ACSM6: variants seen among roughly 807,000 people sequenced by gnomAD.
ACSM6 encodes acyl-CoA synthetase medium chain family member 6.
A neutral mutation model predicts 51.1 loss-of-function variants in ACSM6; 35 were observed. The observed-to-expected ratio is 0.69, with a 90% CI of 0.52 to 0.91. ACSM6 has a LOEUF of 0.91. ACSM6 is among the 40% of genes least tolerant of loss of function. The probability of loss-of-function intolerance (pLI) is 0.00; values close to 1 mark genes in which losing one functional copy is unlikely to be tolerated. For synonymous variants in ACSM6, 172 were observed against 207.3 expected (o/e 0.83, Z 1.46); for missense variants, 509 against 584.1 (o/e 0.87, Z 1.32).
chr10:95,225,325 G>A, exon 10 of ACSM6: 1 of 1,551,636 alleles, frequency 6.4e-7, no homozygotes, highest in South Asian at 1.2e-5. Context: ...TGCCTCCAGG[G>A]GAAGAAGGAA....
chr10:95,225,323 G>T, exon 10 of ACSM6: 1 of 1,551,534 alleles, frequency 6.4e-7, no homozygotes. Flanking sequence ...CCTGCCTCCA[G>T]GGGAAGAAGG....
chr10:95,210,380 G>T (rs527983560), intron 4 of ACSM6, among the ~76,000 whole-genome samples: 192 of 152,230 alleles, frequency 1.3e-3, no homozygotes, highest in Non-Finnish European at 2.0e-3. Context: ...ACAGATTTTT[G>T]ACTTGAGCAA....
chr10:95,221,975 A>G (rs552967705), intron 9 of ACSM6, among the ~76,000 whole-genome samples: 1 of 152,302 alleles, frequency 6.6e-6, no homozygotes, highest in South Asian at 2.1e-4. Flanking sequence ...ATCATACTCA[A>G]TGGTCAAAAA....
At chr10:95,213,095 G>T (rs2034911101) in intron 7 of ACSM6, among the ~76,000 whole-genome samples, 155 bp downstream of exon 7, 1 of 152,120 alleles carries the variant, frequency 6.6e-6, no homozygotes, top group Non-Finnish European at 1.5e-5. Context: ...TAGTGTGTGT[G>T]ATTTTTTATT....
intron 3 of ACSM6, among the ~76,000 whole-genome samples, chr10:95,203,965 G>A (rs113148114): frequency 4.6e-5 from 7 of 151,438 alleles, no homozygotes; most frequent in Non-Finnish European, 2.9e-5. Context: ...GGAAGGGAGT[G>A]AACCCTACCC....
chr10:95,197,065 AC>A (rs1316398847), intron 2 of ACSM6, among the ~76,000 whole-genome samples: 3 of 152,338 alleles, frequency 2.0e-5, no homozygotes, highest in Non-Finnish European at 2.9e-5. Flanking sequence ...ATTGCCTTCT[AC>A]AAAAAAGTGC....
At position 95,228,662 on chromosome 10, in the gene ACSM6, G is replaced by A. The variant is rs1339180520; in HGVS notation, c.1321G>A (p.Ala441Thr). 1.2e-5 allele frequency: 18 copies of A among 1,551,496 alleles called. No homozygotes were observed. Among genetic ancestry groups the A allele is most frequent in the Non-Finnish European group, 1.5e-5 (17 of 1,146,812 alleles). The change falls in exon 11 of 11, where the codon GCT (alanine) becomes ACT (threonine). Residue 441 changes from alanine (A) to threonine (T), a missense_variant. By Grantham distance (58) the Ala-to-Thr change is moderately conservative. Transcript: ENST00000341686. ...CTATCAGGTGAGCTGGGAGGAATAT[G>A]CTTCAGCAAGAGGCCACATGCTTTA... is the stretch of plus-strand genomic sequence containing the variant.
chr10:95,214,477 G>A lies in ACSM6; in HGVS notation c.996-375G>A, dbSNP rs373124768. Among the ~76,000 whole-genome samples the A allele has an allele frequency of 2.6e-5, 4 of 152,200 alleles. No individual in the cohort carries two copies. The East Asian group carries it at 7.7e-4, about 29-fold the overall frequency. On this transcript the variant is annotated intron_variant, in intron 7 of 10. Coordinates refer to ENST00000341686, the Ensembl canonical transcript of ACSM6. Reference sequence around the variant, plus strand: ...GCTCTCTTTCCACCTCCAGACTTCAGAAAATTAGTTCCTTTTTTACCTTAC... The same window carrying A: ...GCTCTCTTTCCACCTCCAGACTTCAAAAAATTAGTTCCTTTTTTACCTTAC...
intron 2 of ACSM6, among the ~76,000 whole-genome samples, chr10:95,198,514 G>T (rs1455417627): frequency 6.6e-6 from 1 of 152,100 alleles, no homozygotes; most frequent in African/African-American, 2.4e-5. Flanking sequence ...AGCCTGGTGT[G>T]GCTGTGTGTG....
chr10:95,206,957 A>G (rs1407667529), intron 3 of ACSM6, among the ~76,000 whole-genome samples: 2 of 152,198 alleles, frequency 1.3e-5, no homozygotes, highest in Non-Finnish European at 2.9e-5. Flanking sequence ...TTAGCCATAT[A>G]AACTCAGGAC....
intron 4 of ACSM6, among the ~76,000 whole-genome samples, chr10:95,208,008 G>A (rs2034859931): frequency 6.6e-6 from 1 of 151,986 alleles, no homozygotes; most frequent in Non-Finnish European, 1.5e-5. Flanking sequence ...GGGTGTGGTG[G>A]CACACACCTA....
chr10:95,228,486 G>T, intron 10 of ACSM6, 158 bp from the exon 11 acceptor site: 1 of 633,780 alleles, frequency 1.6e-6, no homozygotes, highest in Non-Finnish European at 2.4e-6. Context: ...AAAGTTCTCC[G>T]TGTTTGTTGA....
intron 3 of ACSM6, among the ~76,000 whole-genome samples, chr10:95,203,732 G>C (rs1193393661): frequency 6.6e-6 from 1 of 152,030 alleles, no homozygotes; most frequent in Admixed American, 6.6e-5. Flanking sequence ...TTAGGATACA[G>C]GCATATATTT....
chr10:95,223,709 T>G (rs2035014248), intron 9 of ACSM6, among the ~76,000 whole-genome samples: 1 of 151,996 alleles, frequency 6.6e-6, no homozygotes, highest in South Asian at 2.1e-4. Flanking sequence ...AGAAACCCCA[T>G]AGCTCACATC....
At chr10:95,217,461 T>C (rs541068421) in intron 8 of ACSM6, among the ~76,000 whole-genome samples, 26 of 152,196 alleles carry the variant, frequency 1.7e-4, no homozygotes, top group Admixed American at 7.8e-4. Flanking sequence ...ACAAAATATT[T>C]TTGAGAGAAT....
chr10:95,213,794 A>G (rs1367712024), intron 7 of ACSM6, among the ~76,000 whole-genome samples: 1 of 152,196 alleles, frequency 6.6e-6, no homozygotes, highest in Non-Finnish European at 1.5e-5. Flanking sequence ...TTGCTAAATA[A>G]TCATTTAAGT....
chr10:95,208,263 C>T (rs551660716), intron 4 of ACSM6, among the ~76,000 whole-genome samples: 19 of 152,064 alleles, frequency 1.2e-4, no homozygotes, highest in African/African-American at 4.3e-4. Context: ...TAAGTGGGAA[C>T]TAAATAATGT....
At chr10:95,201,315 T>A (rs185718490) in intron 2 of ACSM6, 2 of 370,430 alleles carry the variant, frequency 5.4e-6, no homozygotes, top group Non-Finnish European at 1.1e-5. Flanking sequence ...CAAACTTCAC[T>A]CCCCTCCAGC....
At chr10:95,199,551 A>G (rs1000657656) in intron 2 of ACSM6, among the ~76,000 whole-genome samples, 12 of 152,144 alleles carry the variant, frequency 7.9e-5, no homozygotes, top group African/African-American at 2.9e-4. Context: ...AACCACCATC[A>G]GAGTGAACAG....
Sources: allele counts gnomAD v4.1 joint callset (sites outside exome capture counted in the v4.1 genomes callset), GRCh38; gene constraint gnomAD v4.1.1; transcripts MANE v1.5; gene names NCBI Gene and HGNC (gene_info 2026-07-23, HGNC 2026-07-21).